The following CSMD1 variants were observed in gnomAD, a reference collection of about 807,000 sequenced individuals.
CSMD1 encodes CUB and Sushi multiple domains 1.
CSMD1 carries 213 observed loss-of-function variants against 417.5 expected under a neutral mutation model. The observed-to-expected ratio is 0.51, with a 90% CI of 0.46 to 0.57. CSMD1 has a LOEUF of 0.57. Ranked by LOEUF, CSMD1 falls within the 20% of genes least tolerant of loss-of-function variation. CSMD1 has a pLI of 0.00. For synonymous variants in CSMD1, 2,862 were observed against 1,736.8 expected (o/e 1.65, Z -16.11); for missense variants, 6,923 against 4,529.7 (o/e 1.53, Z -15.17).
At chr8:3,397,388 G>C (rs1204697796) in intron 16 of CSMD1, among the ~76,000 whole-genome samples, 3 of 152,150 alleles carry the variant, frequency 2.0e-5, no homozygotes, top group Middle Eastern at 3.2e-3. Context: ...AAACCAAAGG[G>C]CTGTGTCCTG....
At chr8:3,357,475 T>C (rs1191415876) in intron 21 of CSMD1, among the ~76,000 whole-genome samples, 1 of 152,228 alleles carries the variant, frequency 6.6e-6, no homozygotes, top group African/African-American at 2.4e-5. Flanking sequence ...CACTGTTTAA[T>C]AAATAGTACC....
At chr8:3,709,153 AT>A (rs10646728) in intron 6 of CSMD1, among the ~76,000 whole-genome samples, 5 of 146,212 alleles carry the variant, frequency 3.4e-5, no homozygotes, top group African/African-American at 5.1e-5. Flanking sequence ...AAGAAGTTTC[AT>A]TTTTTTTTTT....
At chr8:4,409,368 G>C (rs778854244) in intron 3 of CSMD1, among the ~76,000 whole-genome samples, 1 of 151,980 alleles carries the variant, frequency 6.6e-6, no homozygotes, top group African/African-American at 2.4e-5. Flanking sequence ...AATTGCCTCA[G>C]ACTAACAAAA....
At chr8:3,048,081 G>T (rs189923841) in intron 50 of CSMD1, among the ~76,000 whole-genome samples, 7 of 152,238 alleles carry the variant, frequency 4.6e-5, no homozygotes, top group Non-Finnish European at 7.4e-5. Context: ...TCACTGAGAT[G>T]ATGTATCTGT....
At position 4,105,027 on chromosome 8, in the gene CSMD1, A is replaced by G. The variant is rs77836539; in HGVS notation, c.416-72928T>C. ...GCAATTCAATTAAAAACTACATTAT[A>G]GAAATGCTAAGGGCCTAATTCCAAC... On this transcript the variant is annotated intron_variant, in intron 3 of 69. Transcript: ENST00000635120. Among the ~76,000 whole-genome samples, 286 of 152,314 alleles carry G rather than the reference A, an allele frequency of 1.9e-3. 6 individuals are homozygous for G. In the East Asian group the frequency reaches 0.02, roughly 11 times the overall value.
intron 3 of CSMD1, among the ~76,000 whole-genome samples, chr8:4,354,226 T>C (rs1801265049): frequency 6.6e-6 from 1 of 152,206 alleles, no homozygotes; most frequent in African/African-American, 2.4e-5. Context: ...AGCCTTCCGA[T>C]ATTTCCACCT....
At chr8:3,883,861 G>C (rs184380460) in intron 5 of CSMD1, among the ~76,000 whole-genome samples, 2 of 151,982 alleles carry the variant, frequency 1.3e-5, no homozygotes, top group East Asian at 1.9e-4. Context: ...ACAGAAAAGA[G>C]GAAAACAATA....
intron 2 of CSMD1, among the ~76,000 whole-genome samples, chr8:4,526,451 T>C (rs571481206): frequency 2.0e-5 from 3 of 152,298 alleles, no homozygotes; most frequent in Non-Finnish European, 4.4e-5. Context: ...TATAAAATAA[T>C]TGCTAGATGA....
At chr8:3,218,684 C>A (rs1057313454) in intron 29 of CSMD1, among the ~76,000 whole-genome samples, 1 of 151,730 alleles carries the variant, frequency 6.6e-6, no homozygotes, top group Non-Finnish European at 1.5e-5. Context: ...CCAGCCTGAC[C>A]AATATGATGA....
At chr8:4,024,416 T>G (rs894007571) in intron 4 of CSMD1, among the ~76,000 whole-genome samples, 4 of 152,176 alleles carry the variant, frequency 2.6e-5, no homozygotes, top group African/African-American at 7.2e-5. Flanking sequence ...GAAAACTTTA[T>G]TATTAAACTC....
chr8:3,638,774 G>C (rs1179741351), intron 7 of CSMD1, among the ~76,000 whole-genome samples: 2 of 152,110 alleles, frequency 1.3e-5, no homozygotes, highest in Non-Finnish European at 2.9e-5. Flanking sequence ...TACCAAGAGA[G>C]AAACCAGCAT....
intron 3 of CSMD1, among the ~76,000 whole-genome samples, chr8:4,104,958 C>G (rs1043379549): frequency 6.6e-6 from 1 of 151,840 alleles, no homozygotes; most frequent in African/African-American, 2.4e-5. Context: ...CTCACAGCCA[C>G]TGCCAATTCG....
chr8:4,792,000 A>T (rs1797718600), intron 1 of CSMD1, among the ~76,000 whole-genome samples: 1 of 152,088 alleles, frequency 6.6e-6, no homozygotes, highest in South Asian at 2.1e-4. Flanking sequence ...TGTGTGTCTC[A>T]AAGGTTAATC....
intron 12 of CSMD1, among the ~76,000 whole-genome samples, chr8:3,465,332 G>C (rs1816736967): frequency 6.6e-6 from 1 of 152,148 alleles, no homozygotes; most frequent in Non-Finnish European, 1.5e-5. Context: ...GGGGATGGAG[G>C]AGAGAGGATT....
rs969060569 is a variant in CSMD1, at chr8:3,105,070, C to T, written c.6949+1458G>A. On this transcript the variant is annotated intron_variant, in intron 46 of 69. Transcript: ENST00000635120. Reference sequence around the variant, plus strand: ...AGCATCTGCAAAACCACTGCGAAGTCGATACTTTTGCAAAGAAAACTTCCA... The same window carrying T: ...AGCATCTGCAAAACCACTGCGAAGTTGATACTTTTGCAAAGAAAACTTCCA... 6.6e-5 allele frequency among the ~76,000 whole-genome samples: 10 copies of T among 152,164 alleles called. No homozygotes were observed. In the East Asian group the frequency reaches 7.7e-4, roughly 12 times the overall value.
At chr8:4,968,871 C>G (rs1053627117) in intron 1 of CSMD1, among the ~76,000 whole-genome samples, 1 of 152,186 alleles carries the variant, frequency 6.6e-6, no homozygotes, top group African/African-American at 2.4e-5. Flanking sequence ...GTGCTACACA[C>G]AAAGCATCAG....
chr8:4,847,493 A>G (rs1428401725), intron 1 of CSMD1, among the ~76,000 whole-genome samples: 3 of 152,322 alleles, frequency 2.0e-5, no homozygotes, highest in East Asian at 3.9e-4. Flanking sequence ...CTACCCCACT[A>G]TTAACATGTT....
intron 2 of CSMD1, among the ~76,000 whole-genome samples, chr8:4,628,727 A>C (rs2616988): frequency 6.6e-6 from 1 of 151,512 alleles, no homozygotes; most frequent in South Asian, 2.1e-4. Context: ...ATGGGAAGCC[A>C]TCTAAGAGCC....
chr8:4,079,943 G>C (rs897496579), intron 3 of CSMD1, among the ~76,000 whole-genome samples: 1 of 148,836 alleles, frequency 6.7e-6, no homozygotes, highest in Non-Finnish European at 1.5e-5. Flanking sequence ...TTCTCATGGA[G>C]TTGTAAAAAT....
Sources: allele counts gnomAD v4.1 joint callset (sites outside exome capture counted in the v4.1 genomes callset), GRCh38; gene constraint gnomAD v4.1.1; transcripts MANE v1.5; gene names NCBI Gene and HGNC (gene_info 2026-07-23, HGNC 2026-07-21).